The following SORCS3 variants were observed in gnomAD, a reference collection of about 807,000 sequenced individuals.
SORCS3 encodes the protein VPS10 domain-containing receptor SorCS3.
A neutral mutation model predicts 146.3 loss-of-function variants in SORCS3; 57 were observed. The ratio of observed to expected loss-of-function variants is 0.39; its 90% CI spans 0.31 to 0.49. The LOEUF is 0.49. Ranked by LOEUF, SORCS3 falls within the 20% of genes least tolerant of loss-of-function variation. The pLI, the probability that SORCS3 is intolerant of heterozygous loss-of-function variation, is 0.92. For synonymous variants in SORCS3, 653 were observed against 618.5 expected, an observed-to-expected ratio of 1.06 and a Z score of -0.83; for missense variants, 1,341 against 1,575.5, an observed-to-expected ratio of 0.85 and a Z score of 2.52.
intron 1 of SORCS3, among the ~76,000 whole-genome samples, chr10:104,662,999 C>T (rs1589450362): frequency 6.6e-6 from 1 of 152,208 alleles, no homozygotes; most frequent in Non-Finnish European, 1.5e-5. Flanking sequence ...GAGTTTTTGC[C>T]TGGAGTCAGT....
At chr10:105,263,052 G>A (rs2056971016) in intron 26 of SORCS3, among the ~76,000 whole-genome samples, 1 of 152,246 alleles carries the variant, frequency 6.6e-6, no homozygotes, top group South Asian at 2.1e-4. Context: ...CACATTGGCT[G>A]TTACTGTTGT....
chr10:104,707,108 T>C (rs2016345897), intron 1 of SORCS3, among the ~76,000 whole-genome samples: 1 of 152,114 alleles, frequency 6.6e-6, no homozygotes. Context: ...GCAGTGGGAA[T>C]TGAGTCCAAG....
intron 16 of SORCS3, among the ~76,000 whole-genome samples, chr10:105,209,268 G>C (rs1290345119): frequency 1.3e-5 from 2 of 152,142 alleles, no homozygotes; most frequent in Non-Finnish European, 2.9e-5. Context: ...AGCCTCCCAA[G>C]TAGCTGGGAT....
chr10:104,681,555 C>G (rs973278143), intron 1 of SORCS3, among the ~76,000 whole-genome samples: 1 of 152,218 alleles, frequency 6.6e-6, no homozygotes, highest in Non-Finnish European at 1.5e-5. Flanking sequence ...GGTTTGCACT[C>G]TAGCCCTGTG....
intron 5 of SORCS3, among the ~76,000 whole-genome samples, chr10:105,077,354 T>G (rs1589621191): frequency 6.6e-6 from 1 of 152,112 alleles, no homozygotes; most frequent in Non-Finnish European, 1.5e-5. Context: ...AACCCTATGG[T>G]TTGAAGAACA....
chr10:104,920,180 A>G (rs779014340), intron 3 of SORCS3, among the ~76,000 whole-genome samples: 2 of 152,204 alleles, frequency 1.3e-5, no homozygotes, highest in Non-Finnish European at 2.9e-5. Flanking sequence ...CATCTTGTAG[A>G]AGCACTTGCT....
intron 16 of SORCS3, among the ~76,000 whole-genome samples, chr10:105,203,472 G>A (rs2056585752): frequency 6.6e-6 from 1 of 152,004 alleles, no homozygotes; most frequent in Admixed American, 6.6e-5. Flanking sequence ...CTCCATTGAG[G>A]CACACTGTCT....
chr10:105,157,581 A>G (rs1170559604), intron 10 of SORCS3, among the ~76,000 whole-genome samples: 1 of 152,244 alleles, frequency 6.6e-6, no homozygotes, highest in Non-Finnish European at 1.5e-5. Context: ...ACAGCTCAGT[A>G]GTAGTAATAC....
intron 20 of SORCS3, among the ~76,000 whole-genome samples, chr10:105,240,068 G>A (rs1242340947): frequency 2.0e-5 from 3 of 152,180 alleles, no homozygotes; most frequent in Non-Finnish European, 4.4e-5. Context: ...GCTGGCAGGA[G>A]GGCACATACT....
chr10:105,123,013 C>A (rs1208721909), intron 7 of SORCS3, among the ~76,000 whole-genome samples: 2 of 152,178 alleles, frequency 1.3e-5, no homozygotes, highest in African/African-American at 2.4e-5. Context: ...TTCCTTGTGG[C>A]AAAATGAAAA....
At chr10:105,031,061 G>A (rs1045653696) in intron 4 of SORCS3, among the ~76,000 whole-genome samples, 3 of 151,582 alleles carry the variant, frequency 2.0e-5, no homozygotes, top group Non-Finnish European at 2.9e-5. Context: ...TTGGGAGGCC[G>A]AGGTGGGCGG....
intron 2 of SORCS3, among the ~76,000 whole-genome samples, chr10:104,884,245 A>G (rs965757568): frequency 6.6e-6 from 1 of 152,210 alleles, no homozygotes; most frequent in African/African-American, 2.4e-5. Flanking sequence ...GAGAGGAGAC[A>G]TTTAATGTAA....
intron 7 of SORCS3, among the ~76,000 whole-genome samples, chr10:105,114,845 T>G (rs1427219946): frequency 6.6e-6 from 1 of 152,180 alleles, no homozygotes; most frequent in African/African-American, 2.4e-5. Context: ...AGCAATAACA[T>G]GTATCAGACT....
At chr10:104,978,900 C>T (rs1207795934) in intron 4 of SORCS3, among the ~76,000 whole-genome samples, 1 of 152,204 alleles carries the variant, frequency 6.6e-6, no homozygotes, top group Non-Finnish European at 1.5e-5. Flanking sequence ...GATCTGGTCC[C>T]TCCTTCTCTC....
chr10:105,012,414 T>C (rs1362333950), intron 4 of SORCS3, among the ~76,000 whole-genome samples: 1 of 151,450 alleles, frequency 6.6e-6, no homozygotes, highest in African/African-American at 2.4e-5. Flanking sequence ...GGTCTTGCCA[T>C]TTTTTTTTCC....
chr10:105,170,982 T>C (rs2056354673), intron 13 of SORCS3, among the ~76,000 whole-genome samples: 1 of 152,162 alleles, frequency 6.6e-6, no homozygotes, highest in African/African-American at 2.4e-5. Flanking sequence ...GGTTAGGTAA[T>C]CAGTTCATTG....
chr10:104,693,893 C>A (rs1279639521), intron 1 of SORCS3, among the ~76,000 whole-genome samples: 1 of 152,078 alleles, frequency 6.6e-6, no homozygotes, highest in Admixed American at 6.6e-5. Context: ...TATATAGCTT[C>A]TATTTTTGGT....
rs935142386 is a variant in SORCS3 at position 105,118,902 on chromosome 10, G to A, written c.1212+13387G>A. Among the ~76,000 whole-genome samples, 10 of 152,294 alleles carry A rather than the reference G, an allele frequency of 6.6e-5. No homozygotes were observed. In the East Asian group the frequency reaches 7.7e-4, roughly 12 times the overall value. On this transcript the variant is annotated intron_variant, in intron 7 of 26. Transcript: ENST00000369701. Reference sequence around the variant, plus strand: ...GAAAATATGCAGTCTGATGATGTGAGAGAAGAGAAAAGTTCATTTTCTGGG... The same window carrying A: ...GAAAATATGCAGTCTGATGATGTGAAAGAAGAGAAAAGTTCATTTTCTGGG...
At chr10:104,732,954 G>A (rs558354579) in intron 1 of SORCS3, among the ~76,000 whole-genome samples, 14 of 152,270 alleles carry the variant, frequency 9.2e-5, no homozygotes, top group Non-Finnish European at 1.3e-4. Context: ...GTATCTGAAG[G>A]TCAAGGGGCT....
Sources: allele counts gnomAD v4.1 joint callset (sites outside exome capture counted in the v4.1 genomes callset), GRCh38; gene constraint gnomAD v4.1.1; transcripts MANE v1.5; gene names NCBI Gene and HGNC (gene_info 2026-07-23, HGNC 2026-07-21).